GNE: variants seen among roughly 807,000 people sequenced by gnomAD.
GNE encodes the protein bifunctional UDP-N-acetylglucosamine 2-epimerase/N-acetylmannosamine kinase.
GNE carries 41 observed loss-of-function variants against 61.8 expected under a neutral mutation model. The ratio of observed to expected loss-of-function variants is 0.66; its 90% CI spans 0.52 to 0.86. The LOEUF is 0.86. Among genes scored for constraint, GNE ranks in the 40% least tolerant of loss-of-function variants. GNE has a pLI of 0.00. For synonymous variants in GNE, 264 were observed against 326.4 expected, an observed-to-expected ratio of 0.81 and a Z score of 2.06; for missense variants, 608 against 909.1, an observed-to-expected ratio of 0.67 and a Z score of 4.26.
rs1387247637 is a variant in GNE, at chr9:36,222,815, T to C, written c.1595A>G (p.Lys532Arg). 1 of 1,614,058 alleles carries C rather than the reference T, an allele frequency of 6.2e-7. No homozygotes were observed. Among genetic ancestry groups the C allele is most frequent in the Non-Finnish European group, 8.5e-7 (1 of 1,180,004 alleles). Residue 532 changes from lysine to arginine, a missense_variant, in exon 9 of 12, where the codon AAG (lysine) becomes AGG (arginine). Lys to Arg is a conservative substitution (Grantham distance 26). Coordinates refer to ENST00000642385, the MANE Select transcript of GNE (RefSeq NM_005476.7). ...AAGTGTAACAAAGTTTTCCAGTCCC[T>C]TTCCTTGGCCAAATTTCCTTTCCGC... ...ALAERKFGQG[K>R]GLENFVTLIT...
chr9:36,216,829 A>T lies in GNE; in HGVS notation c.*536T>A, dbSNP rs934377604. On this transcript the variant is annotated 3_prime_UTR_variant, in exon 12 of 12. Transcript: ENST00000642385. ...TGGGACCCGCCACCACACCCAGCTA[A>T]TTTTTTGTATTTTTAGTAGAGACGG... 2 of 166,104 alleles carry T rather than the reference A, an allele frequency of 1.2e-5. No homozygotes were observed. The highest frequency in any genetic ancestry group is 1.1e-4 in the Admixed American group (2 of 17,792). The allele number at this position is 166,104 out of a possible 1,614,324, so 10.3% of individuals were successfully genotyped here.
At chr9:36,265,685 C>T (rs2133185821) in intron 1 of GNE, 1 of 307,464 alleles carries the variant, frequency 3.3e-6, no homozygotes, top group East Asian at 7.9e-5. Flanking sequence ...TCCTGGAAGA[C>T]AGTTTTTCCA....
intron 2 of GNE, among the ~76,000 whole-genome samples, chr9:36,248,288 G>A (rs926898913): frequency 2.6e-5 from 4 of 151,246 alleles, no homozygotes; most frequent in African/African-American, 9.7e-5. Context: ...TATGTAATAC[G>A]CCTTGTTCTC....
chr9:36,249,614 T>C lies in GNE; in HGVS notation c.-42-217A>G, dbSNP rs143457494. ...AACTCCAAGGCTGGGAGTGGTGGCT[T>C]ACGCCTGTAATCCCAGCACTTTGGG... On this transcript the variant is annotated intron_variant, in intron 1 of 11. Transcript: ENST00000642385. Among the ~76,000 whole-genome samples the C allele has an allele frequency of 0.022, 3,334 of 152,068 alleles. 56 individuals carry two copies. Among genetic ancestry groups the C allele is most frequent in the African/African-American group, 0.041 (1,708 of 41,498 alleles).
chr9:36,256,837 C>T (rs1377821009), intron 1 of GNE, among the ~76,000 whole-genome samples: 1 of 152,204 alleles, frequency 6.6e-6, no homozygotes, highest in Non-Finnish European at 1.5e-5. Flanking sequence ...TTCATCCTCA[C>T]AGCCCTCGTA....
chr9:36,234,877 G>A (rs1563939059), intron 4 of GNE, among the ~76,000 whole-genome samples: 1 of 152,210 alleles, frequency 6.6e-6, no homozygotes, highest in South Asian at 2.1e-4. Context: ...CTTTTATTGT[G>A]TTGCAAGGTA....
intron 1 of GNE, among the ~76,000 whole-genome samples, chr9:36,254,673 C>T (rs760480787): frequency 4.7e-5 from 7 of 150,312 alleles, no homozygotes; most frequent in African/African-American, 1.7e-4. Context: ...GAGTTTCGGC[C>T]GGGCGCAGTG....
At chr9:36,263,495 C>T (rs1045552174) in intron 1 of GNE, 1 of 155,068 alleles carries the variant, frequency 6.4e-6, no homozygotes, top group Non-Finnish European at 1.5e-5. Flanking sequence ...TAAGTTGTTC[C>T]ATTAGTTAAG....
At chr9:36,260,629 G>A (rs1039208742), upstream of GNE, among the ~76,000 whole-genome samples, 3 of 152,016 alleles carry the variant, frequency 2.0e-5, no homozygotes, top group Non-Finnish European at 4.4e-5. Context: ...TAGCACTTTG[G>A]GAGGCCGAGG....
chr9:36,265,566 C>T lies in GNE; in HGVS notation c.51+11328G>A, dbSNP rs1445130552. ...ATATTCCTGTTTAGTAAATATCTTT[C>T]CCTAGCTGGTAAGTATCTCACCCCA... On this transcript the variant is annotated intron_variant, in intron 1 of 11. Transcript: ENST00000396594. 4 of 433,738 alleles carry T rather than the reference C, an allele frequency of 9.2e-6. No homozygotes were observed. In the Admixed American group the frequency reaches 9.5e-5, roughly 10 times the overall value. 26.9% of individuals were successfully genotyped at this position (433,738 alleles called of 1,614,324 possible).
intron 1 of GNE, chr9:36,267,691 C>T (rs1252491914): frequency 6.7e-6 from 1 of 149,300 alleles, no homozygotes; most frequent in East Asian, 2.0e-4. Context: ...GTGAGACTGT[C>T]TCAAACAAAC....
chr9:36,222,931 T>G lies in GNE; in HGVS notation c.1479A>C (p.Gln493His), dbSNP rs749584893. 1.2e-6 allele frequency: 2 copies of G among 1,614,044 alleles called. No individual in the cohort carries two copies. Among genetic ancestry groups the G allele is most frequent in the Admixed American group, 1.7e-5 (1 of 59,998 alleles). ...TCCTAAGGTCCACAGAGTTCCACTCTTGGATCAGTTTGGTTGAATGCAGCA... is the reference window on the plus strand; with the variant it reads ...TCCTAAGGTCCACAGAGTTCCACTCGTGGATCAGTTTGGTTGAATGCAGCA... ...GIVLHSTKLIQEWNSVDLRTP... is the reference protein window; with the variant it reads ...GIVLHSTKLIHEWNSVDLRTP... The change falls in exon 9 of 12, where the codon CAA becomes CAC. Residue 493 changes from glutamine to histidine, a missense_variant. By Grantham distance (24) the Gln-to-His change is conservative. Transcript: ENST00000642385.
intron 1 of GNE, among the ~76,000 whole-genome samples, chr9:36,256,755 G>A (rs1189915579): frequency 6.6e-6 from 1 of 152,202 alleles, no homozygotes; most frequent in Non-Finnish European, 1.5e-5. Flanking sequence ...GGAAACAACA[G>A]TAAACATTTG....
chr9:36,260,885 A>C (rs1270753176), upstream of GNE, among the ~76,000 whole-genome samples: 114 of 150,168 alleles, frequency 7.6e-4, 5 homozygotes, highest in South Asian at 7.1e-3. Flanking sequence ...AAAAAAAAAA[A>C]AAAAAAAAAA....
At chr9:36,274,987 G>A (rs987698989) in intron 1 of GNE, among the ~76,000 whole-genome samples, 2 of 152,164 alleles carry the variant, frequency 1.3e-5, no homozygotes, top group African/African-American at 2.4e-5. Context: ...GCCTCCCAAA[G>A]TGCTGAGATT....
At position 36,218,117 on chromosome 9, in the gene GNE, C is replaced by T. The variant is rs781620797; in HGVS notation, c.1933+66G>A. 1.4e-4 allele frequency: 142 copies of T among 1,050,284 alleles called. No homozygotes were observed. The highest frequency in any genetic ancestry group is 1.8e-4 in the Non-Finnish European group (121 of 665,744). 65.1% of individuals were successfully genotyped at this position (1,050,284 alleles called of 1,614,324 possible). On this transcript the variant is annotated intron_variant, in intron 11 of 11. Coordinates refer to ENST00000642385, the MANE Select transcript of GNE (RefSeq NM_005476.7). The surrounding 1 kb of genome is among the most constrained non-coding windows in gnomAD (Gnocchi z 4.1). ...AGGGAAGCAGGGTCTCTTCTGGGGC[C>T]GGGCTGGGCCATATGATATCTGAGG...
rs756465454 is a variant in GNE at position 36,219,821 on chromosome 9, G to A, written c.1816+17C>T. 49 of 1,610,414 alleles carry A rather than the reference G, an allele frequency of 3.0e-5. No individual in the cohort carries two copies. The highest frequency in any genetic ancestry group is 8.9e-5 in the East Asian group (4 of 44,876). On this transcript the variant is annotated intron_variant, in intron 10 of 11. Transcript: ENST00000642385. Reference sequence around the variant, plus strand: ...CTACTATTTGGTTACTTAATTCCTCGAGAGAGGGACACCAACCATCATGGA... The same window carrying A: ...CTACTATTTGGTTACTTAATTCCTCAAGAGAGGGACACCAACCATCATGGA...
intron 4 of GNE, among the ~76,000 whole-genome samples, chr9:36,236,135 G>GA (rs772626790): frequency 7.2e-5 from 11 of 151,754 alleles, no homozygotes; most frequent in African/African-American, 9.7e-5. Context: ...AAGAAAGCAA[G>GA]AAAAAATATT....
intron 6 of GNE, among the ~76,000 whole-genome samples, chr9:36,227,881 C>G (rs1051842116): frequency 2.6e-5 from 4 of 151,690 alleles, no homozygotes; most frequent in Admixed American, 2.6e-4. Context: ...ACTAAAAACA[C>G]AAAAATTAGC....
Sources: allele counts gnomAD v4.1 joint callset (sites outside exome capture counted in the v4.1 genomes callset), GRCh38; gene constraint gnomAD v4.1.1; non-coding constraint Gnocchi (gnomAD v3.1); transcripts MANE v1.5; gene names NCBI Gene and HGNC (gene_info 2026-07-23, HGNC 2026-07-21).